Variants in AKT3 observed in about 807,000 individuals in gnomAD.
The protein encoded by AKT3 is RAC-gamma serine/threonine-protein kinase.
Under a neutral mutation model 65.3 loss-of-function variants are expected in AKT3, and 15 were observed. That is an observed-to-expected ratio of 0.23 (90% CI 0.15 to 0.35). The LOEUF (loss-of-function observed/expected upper bound fraction) is 0.35. Among genes scored for constraint, AKT3 ranks in the 10% least tolerant of loss-of-function variants. The probability of loss-of-function intolerance (pLI) is 1.00; values close to 1 mark genes in which losing one functional copy is unlikely to be tolerated. For synonymous variants in AKT3, 206 were observed against 183.8 expected (o/e 1.12, Z -0.98); for missense variants, 243 against 576.5 (o/e 0.42, Z 5.92).
chr1:243,749,511 C>T (rs192596294), intron 2 of AKT3, among the ~76,000 whole-genome samples: 1 of 152,100 alleles, frequency 6.6e-6, no homozygotes, highest in Non-Finnish European at 1.5e-5. Context: ...CAGAATACCC[C>T]CTTTACTTAT....
At chr1:243,766,928 A>G (rs1235435508) in intron 2 of AKT3, among the ~76,000 whole-genome samples, 1 of 152,198 alleles carries the variant, frequency 6.6e-6, no homozygotes, top group Non-Finnish European at 1.5e-5. Context: ...AATGAAAAAG[A>G]AGATAATCTC....
rs185636981 is a variant in AKT3, at chr1:243,671,341, A to T, written c.173-6458T>A. Among the ~76,000 whole-genome samples the T allele has an allele frequency of 3.9e-5, 6 of 152,142 alleles. No individual in the cohort carries two copies. The East Asian group carries it at 1.2e-3, about 29-fold the overall frequency. On this transcript the variant is annotated intron_variant, in intron 3 of 13. Transcript: ENST00000673466. ...ATGATCCGCCCACCTCGGCCTCCCA[A>T]AGCGCTGGGATTACAGGCGTGAGCC...
intron 1 of AKT3, 103 bp downstream of exon 1, chr1:243,849,936 AT>A (rs1043138484): frequency 1.2e-6 from 1 of 857,992 alleles, no homozygotes; most frequent in Non-Finnish European, 1.4e-6. Context: ...CCCCGCCGCC[AT>A]CCCCCGCCTG....
intron 12 of AKT3, among the ~76,000 whole-genome samples, chr1:243,515,730 C>A (rs1190163885): frequency 2.0e-5 from 3 of 152,146 alleles, no homozygotes; most frequent in Non-Finnish European, 4.4e-5. Flanking sequence ...GTGGCTCATG[C>A]CTGTAATCCC....
intron 8 of AKT3, chr1:243,612,897 G>C (rs1448878067): frequency 6.6e-6 from 1 of 151,398 alleles, no homozygotes; most frequent in Non-Finnish European, 1.5e-5. Context: ...AAATTAGCTG[G>C]GTGTGGCGGT....
chr1:243,849,395 C>G (rs888411085), intron 1 of AKT3, among the ~76,000 whole-genome samples: 1 of 143,242 alleles, frequency 7.0e-6, no homozygotes, highest in African/African-American at 2.6e-5. Context: ...CACCCCCCCC[C>G]CCACCCCACC....
At chr1:243,654,123 C>T (rs901264476) in intron 4 of AKT3, among the ~76,000 whole-genome samples, 4 of 152,086 alleles carry the variant, frequency 2.6e-5, no homozygotes, top group African/African-American at 9.6e-5. Context: ...GCCTGGTAGC[C>T]ATCATACTCT....
intron 5 of AKT3, among the ~76,000 whole-genome samples, chr1:243,640,598 C>G (rs182064977): frequency 6.6e-6 from 1 of 152,230 alleles, no homozygotes; most frequent in Admixed American, 6.5e-5. Flanking sequence ...TGGAGAGACC[C>G]TGGAAGATAA....
At chr1:243,558,138 T>C (rs891641233) in intron 10 of AKT3, among the ~76,000 whole-genome samples, 1 of 152,224 alleles carries the variant, frequency 6.6e-6, no homozygotes, top group East Asian at 1.9e-4. Flanking sequence ...TATTCTTTGT[T>C]GGATTTAAAA....
chr1:243,839,882 A>C (rs1695135744), intron 2 of AKT3, among the ~76,000 whole-genome samples: 1 of 151,410 alleles, frequency 6.6e-6, no homozygotes. Flanking sequence ...AAAAAAAAAA[A>C]CAGAAAATAC....
At chr1:243,846,340 C>T (rs997686538) in intron 1 of AKT3, among the ~76,000 whole-genome samples, 22 of 151,972 alleles carry the variant, frequency 1.4e-4, no homozygotes, top group African/African-American at 5.1e-4. Flanking sequence ...TTAAATCCAT[C>T]CATATATATA....
At chr1:243,714,817 T>A (rs1277166320) in intron 2 of AKT3, among the ~76,000 whole-genome samples, 1 of 152,152 alleles carries the variant, frequency 6.6e-6, no homozygotes, top group Non-Finnish European at 1.5e-5. Context: ...ACACTGGTTA[T>A]CATGGCACAA....
In AKT3 at chr1:243,681,941, C is replaced by T. The variant is rs1449029088; in HGVS notation, c.172+13650G>A. Among the ~76,000 whole-genome samples, 4 of 152,022 alleles carry T rather than the reference C, an allele frequency of 2.6e-5. No homozygotes were observed. The East Asian group carries it at 7.7e-4, about 29-fold the overall frequency. On this transcript the variant is annotated intron_variant, in intron 3 of 13. Coordinates refer to ENST00000673466, the MANE Select transcript of AKT3 (RefSeq NM_005465.7). The stretch of plus-strand genomic sequence containing the variant: ...TAAAAATGTTAATTTTCTTCCTTTA[C>T]TTCCTTAATTGCCCTCCTAATTTCC...
intron 12 of AKT3, among the ~76,000 whole-genome samples, chr1:243,542,922 G>C (rs6656918): frequency 1.3e-5 from 2 of 151,936 alleles, no homozygotes; most frequent in Admixed American, 1.3e-4. Flanking sequence ...ACAGGACACC[G>C]TGAGTAAGCC....
chr1:243,533,002 T>A (rs1671647426), intron 12 of AKT3, among the ~76,000 whole-genome samples: 2 of 152,206 alleles, frequency 1.3e-5, no homozygotes, highest in Non-Finnish European at 2.9e-5. Context: ...ATATCTTTTT[T>A]CATTTCTGAT....
At chr1:243,767,417 G>A (rs1689899311) in intron 2 of AKT3, among the ~76,000 whole-genome samples, 1 of 152,038 alleles carries the variant, frequency 6.6e-6, no homozygotes, top group Non-Finnish European at 1.5e-5. Flanking sequence ...TAATCACAAA[G>A]ATGAGCATAG....
chr1:243,847,441 A>C (rs919737937), intron 1 of AKT3, among the ~76,000 whole-genome samples: 1 of 152,232 alleles, frequency 6.6e-6, no homozygotes, highest in Admixed American at 6.5e-5. Context: ...AAACATAGCT[A>C]TCTTTTCACG....
chr1:243,608,817 A>T (rs140144528), intron 8 of AKT3, among the ~76,000 whole-genome samples: 1,940 of 119,224 alleles, frequency 0.016, 23 homozygotes, highest in Admixed American at 0.065. Flanking sequence ...CAGTGGCGTG[A>T]TCTTGGCTCA....
chr1:243,628,285 A>G lies in AKT3; in HGVS notation c.561+9326T>C, dbSNP rs181986742. On this transcript the variant is annotated intron_variant, in intron 6 of 13. Coordinates refer to ENST00000673466, the MANE Select transcript of AKT3 (RefSeq NM_005465.7). ...TGAGGAATGCAAGAAGACACTTACC[A>G]TATTCAATAGAAGAAAACCTTTTTT... 2.2e-3 allele frequency among the ~76,000 whole-genome samples: 334 copies of G among 152,264 alleles called. 1 individual carries two copies. The highest frequency in any genetic ancestry group is 2.6e-3 in the Non-Finnish European group (175 of 68,018).
Sources: gnomAD v4.1 joint callset for allele counts (sites outside exome capture counted in the v4.1 genomes callset) on GRCh38, gnomAD v4.1.1 for gene constraint, MANE v1.5 for transcripts, NCBI Gene and HGNC (gene_info 2026-07-23, HGNC 2026-07-21) for gene names.